Variants in MARK1 observed in about 807,000 individuals in gnomAD.
MARK1 encodes the protein serine/threonine-protein kinase MARK1.
Under a neutral mutation model 96.3 loss-of-function variants are expected in MARK1, and 40 were observed. The observed-to-expected ratio is 0.42, with a 90% CI of 0.32 to 0.54. The LOEUF (loss-of-function observed/expected upper bound fraction) is 0.54, where lower values mean the gene tolerates loss of function less well. Among genes scored for constraint, MARK1 ranks in the 20% least tolerant of loss-of-function variants. The pLI is 0.16. For missense variants in MARK1, 719 were observed against 984.6 expected, an observed-to-expected ratio of 0.73 and a Z score of 3.61; for synonymous variants, 317 against 341.2, an observed-to-expected ratio of 0.93 and a Z score of 0.78.
intron 1 of MARK1, among the ~76,000 whole-genome samples, chr1:220,565,692 A>G (rs1462032199): frequency 6.6e-6 from 1 of 152,198 alleles, no homozygotes; most frequent in Non-Finnish European, 1.5e-5. Context: ...TGTAGTAGCC[A>G]GTGAGAGATA....
chr1:220,597,493 T>A (rs972646828), intron 3 of MARK1, among the ~76,000 whole-genome samples: 2 of 152,196 alleles, frequency 1.3e-5, no homozygotes, highest in Non-Finnish European at 2.9e-5. Flanking sequence ...TTAATAATGT[T>A]CAACATCTTT....
chr1:220,601,575 G>A (rs1358247448), intron 5 of MARK1, among the ~76,000 whole-genome samples: 2 of 151,030 alleles, frequency 1.3e-5, no homozygotes, highest in Admixed American at 6.6e-5. Context: ...TTTTAGTTTA[G>A]TTAGACTCTT....
chr1:220,560,627 G>A (rs1176015628), intron 1 of MARK1, among the ~76,000 whole-genome samples: 2 of 152,166 alleles, frequency 1.3e-5, no homozygotes, highest in African/African-American at 2.4e-5. Context: ...TGGGTGGAAA[G>A]CCTATACAGC....
chr1:220,618,888 G>T lies in MARK1; in HGVS notation c.909+133G>T. ...AATCTGCCTTTTGTTTGTAGGTAGGGAAAATTACATGACTTTTTTTCACTT... is the reference window on the plus strand; with the variant it reads ...AATCTGCCTTTTGTTTGTAGGTAGGTAAAATTACATGACTTTTTTTCACTT... On this transcript the variant is annotated intron_variant, in intron 9 of 17. Coordinates refer to ENST00000366917, the MANE Select transcript of MARK1 (RefSeq NM_018650.5). This position sits in a 1 kb window ranked among gnomAD's most constrained non-coding sequence, Gnocchi z 4.6. The T allele has an allele frequency of 2.8e-6, 2 of 725,008 alleles. No individual in the cohort carries two copies. Among genetic ancestry groups the T allele is most frequent in the African/African-American group, 1.8e-5 (1 of 54,820 alleles). The allele number at this position is 725,008 out of a possible 1,614,324, so 44.9% of individuals were successfully genotyped here. A position where few individuals can be genotyped will look rare whatever the true frequency, so the allele number is the denominator to read the frequency against.
chr1:220,568,087 T>C (rs1333242058), intron 1 of MARK1, among the ~76,000 whole-genome samples: 2 of 152,210 alleles, frequency 1.3e-5, no homozygotes, highest in Non-Finnish European at 2.9e-5. Context: ...ATATGTTTGT[T>C]AAAATATTGT....
chr1:220,533,741 A>C (rs1572033316), intron 1 of MARK1, among the ~76,000 whole-genome samples: 2 of 151,880 alleles, frequency 1.3e-5, no homozygotes, highest in Admixed American at 1.3e-4. Flanking sequence ...TCTTGTGTGG[A>C]TTCATATGTC....
At chr1:220,589,352 G>A (rs1664840067) in intron 3 of MARK1, among the ~76,000 whole-genome samples, 1 of 152,158 alleles carries the variant, frequency 6.6e-6, no homozygotes. Context: ...CAGAGGAATG[G>A]AAGAGATAGG....
chr1:220,626,251 A>T, intron 9 of MARK1: 1 of 530,376 alleles, frequency 1.9e-6, no homozygotes, highest in Non-Finnish European at 3.7e-6. Context: ...GGTGCTGTAT[A>T]TTGACATTGA....
Position 220,631,066 on chromosome 1 carries a change from G to A in MARK1, c.941G>A (p.Gly314Asp). ...QIMKDRWMNV[G>D]HEEEELKPYT... The stretch of plus-strand genomic sequence containing the variant: ...ATGAAAGATCGATGGATGAATGTTG[G>A]TCATGAAGAGGAAGAACTAAAGCCA... The change falls in exon 10 of 18, where the codon GGT becomes GAT. Residue 314 changes from glycine (G) to aspartate (D), a missense_variant. This residue lies in a region of MARK1 where 501 missense variants were observed against 588.3 expected (regional missense o/e 0.85). Transcript: ENST00000366917. 5 of 1,612,826 alleles carry A rather than the reference G, an allele frequency of 3.1e-6. No homozygotes were observed. The highest frequency in any genetic ancestry group is 4.2e-6 in the Non-Finnish European group (5 of 1,179,096).
intron 1 of MARK1, among the ~76,000 whole-genome samples, chr1:220,530,397 CAG>C (rs2102681160): frequency 6.6e-6 from 1 of 152,086 alleles, no homozygotes; most frequent in South Asian, 2.1e-4. Context: ...CGAGTTGGCA[CAG>C]AATTTTTCTA....
At chr1:220,613,747 A>G (rs1458719475) in intron 6 of MARK1, among the ~76,000 whole-genome samples, 1 of 152,138 alleles carries the variant, frequency 6.6e-6, no homozygotes, top group Admixed American at 6.5e-5. Flanking sequence ...TAATACTACA[A>G]ATTTTCATCA....
At chr1:220,596,322 A>G (rs1665344503) in intron 3 of MARK1, among the ~76,000 whole-genome samples, 1 of 152,170 alleles carries the variant, frequency 6.6e-6, no homozygotes, top group Non-Finnish European at 1.5e-5. Context: ...AGAGCAAGAG[A>G]TGATCTCAAG....
chr1:220,641,318 A>G (rs1204024642), intron 13 of MARK1, among the ~76,000 whole-genome samples: 1 of 152,156 alleles, frequency 6.6e-6, no homozygotes, highest in Admixed American at 6.5e-5. Context: ...TGATTAGGTC[A>G]TGAGGGCCCT....
At chr1:220,599,191 A>T (rs1249442803) in intron 4 of MARK1, among the ~76,000 whole-genome samples, 1 of 152,198 alleles carries the variant, frequency 6.6e-6, no homozygotes, top group Non-Finnish European at 1.5e-5. Flanking sequence ...AAACGTATTG[A>T]TTAGATATAT....
chr1:220,601,221 T>C (rs1257516014), intron 5 of MARK1, among the ~76,000 whole-genome samples: 1 of 152,008 alleles, frequency 6.6e-6, no homozygotes, highest in Non-Finnish European at 1.5e-5. Flanking sequence ...CCTGGCCTCA[T>C]ATTTCTAAAA....
chr1:220,646,034 A>T (rs1668558182), intron 13 of MARK1, among the ~76,000 whole-genome samples: 1 of 152,170 alleles, frequency 6.6e-6, no homozygotes. Flanking sequence ...CTCTTATACA[A>T]CATAGTATTG....
rs1669524781 is a variant in MARK1 at position 220,662,372 on chromosome 1, T to G, written c.*206T>G. 1 of 544,552 alleles carries G rather than the reference T, an allele frequency of 1.8e-6. No individual in the cohort carries two copies. The allele number at this position is 544,552 out of a possible 1,614,324, so 33.7% of individuals were successfully genotyped here. ...AATATCTGTAGCTTAAAAAGTAGGT[T>G]CACATGTACAGGTAAGTATATTGTG... On this transcript the variant is annotated 3_prime_UTR_variant, in exon 18 of 18. Coordinates refer to ENST00000366917, the MANE Select transcript of MARK1 (RefSeq NM_018650.5).
In MARK1 at chr1:220,635,843, C is replaced by T. The variant is rs990056189; in HGVS notation, c.1287C>T (p.Ser429=). The change falls in exon 13 of 18, where the codon TCC becomes TCT. Residue 429 remains serine, a synonymous_variant. Transcript: ENST00000366917. ...TTAAAAAAATTATAGCTGGTCCATC[C>T]ATTCCTCCTGCTGTATCATATACCA... ...QRRFSDHAGP[S]IPPAVSYTKR... is the part of the protein sequence containing the mutation. 1 of 1,590,680 alleles carries T rather than the reference C, an allele frequency of 6.3e-7. No individual in the cohort carries two copies. Among genetic ancestry groups the T allele is most frequent in the African/African-American group, 1.4e-5 (1 of 73,606 alleles).
intron 17 of MARK1, among the ~76,000 whole-genome samples, chr1:220,660,803 C>T (rs1669437444): frequency 2.6e-5 from 4 of 152,072 alleles, no homozygotes; most frequent in Admixed American, 1.3e-4. Context: ...TTACTATGTA[C>T]CCAGCACAGT....
Sources: gnomAD v4.1 joint callset for allele counts (sites outside exome capture counted in the v4.1 genomes callset) on GRCh38, gnomAD v4.1.1 for gene constraint, gnomAD v4.1.1 regional missense constraint, Gnocchi (gnomAD v3.1) non-coding constraint, MANE v1.5 for transcripts, NCBI Gene and HGNC (gene_info 2026-07-23, HGNC 2026-07-21) for gene names.